Variants in CNTNAP5 observed in about 807,000 individuals in gnomAD.
CNTNAP5 encodes contactin-associated protein-like 5.
CNTNAP5 carries 72 observed loss-of-function variants against 150.2 expected under a neutral mutation model. The observed-to-expected ratio is 0.48, with a 90% CI of 0.40 to 0.58. The LOEUF is 0.58. Among genes scored for constraint, CNTNAP5 ranks in the 20% least tolerant of loss-of-function variants. The pLI, the probability that CNTNAP5 is intolerant of heterozygous loss-of-function variation, is 0.00. For missense variants in CNTNAP5, 1,636 were observed against 1,626.2 expected (o/e 1.01, Z -0.10); for synonymous variants, 672 against 619.8 (o/e 1.08, Z -1.25).
intron 1 of CNTNAP5, among the ~76,000 whole-genome samples, chr2:124,082,607 G>C (rs764368396): frequency 6.6e-6 from 1 of 152,164 alleles, no homozygotes; most frequent in African/African-American, 2.4e-5. Flanking sequence ...AAACAAGACT[G>C]TGAAAATTGT....
At position 124,732,193 on chromosome 2, in the gene CNTNAP5, G is replaced by A. The variant is rs72847325; in HGVS notation, c.2078-15036G>A. On this transcript the variant is annotated intron_variant, in intron 13 of 23. Coordinates refer to ENST00000682447, the MANE Select transcript of CNTNAP5 (RefSeq NM_001367498.1). ...GTGAGCTCAAGATAAAATGTTGATAGAGACTAGATAATTTTGAAGAGAAAA... is the reference window on the plus strand; with the variant it reads ...GTGAGCTCAAGATAAAATGTTGATAAAGACTAGATAATTTTGAAGAGAAAA... Among the ~76,000 whole-genome samples, 1,250 of 152,132 alleles carry A rather than the reference G, an allele frequency of 8.2e-3. 18 individuals carry two copies. The highest frequency in any genetic ancestry group is 0.013 in the Non-Finnish European group (858 of 68,000).
At chr2:124,577,545 G>T (rs1478645941) in intron 11 of CNTNAP5, among the ~76,000 whole-genome samples, 1 of 152,124 alleles carries the variant, frequency 6.6e-6, no homozygotes, top group Admixed American at 6.5e-5. Flanking sequence ...AAATATTGTG[G>T]GTGACACTTG....
At chr2:124,319,207 G>A (rs1689041654) in intron 3 of CNTNAP5, among the ~76,000 whole-genome samples, 2 of 152,152 alleles carry the variant, frequency 1.3e-5, no homozygotes, top group Admixed American at 1.3e-4. Context: ...TCTGTAAGTG[G>A]CTTTTCCTAT....
chr2:124,602,408 G>A (rs1317816422), intron 11 of CNTNAP5, among the ~76,000 whole-genome samples: 1 of 150,124 alleles, frequency 6.7e-6, no homozygotes, highest in East Asian at 1.9e-4. Flanking sequence ...CCTTCATTCA[G>A]GCTCAACAGT....
At chr2:124,789,735 T>C (rs981668557) in intron 17 of CNTNAP5, among the ~76,000 whole-genome samples, 167 bp from the exon 18 acceptor site, 4 of 152,184 alleles carry the variant, frequency 2.6e-5, no homozygotes, top group African/African-American at 9.7e-5. Context: ...ATGCATTTAT[T>C]TGAGGCTCTT....
At chr2:124,838,488 G>A (rs1257499059) in intron 19 of CNTNAP5, among the ~76,000 whole-genome samples, 1 of 152,142 alleles carries the variant, frequency 6.6e-6, no homozygotes, top group African/African-American at 2.4e-5. Context: ...TCTTATGAAA[G>A]AACATAGTTT....
At chr2:124,876,023 A>C (rs1677853279) in intron 21 of CNTNAP5, among the ~76,000 whole-genome samples, 1 of 151,982 alleles carries the variant, frequency 6.6e-6, no homozygotes, top group Admixed American at 6.6e-5. Context: ...TCTGTTTCTC[A>C]CTCCACATTT....
chr2:124,172,288 A>G (rs1684952224), intron 1 of CNTNAP5, among the ~76,000 whole-genome samples: 1 of 152,020 alleles, frequency 6.6e-6, no homozygotes, highest in South Asian at 2.1e-4. Context: ...GTCTGATTAT[A>G]AAAGTGAGAC....
chr2:124,419,974 T>TCTC (rs1692054089), intron 4 of CNTNAP5, among the ~76,000 whole-genome samples: 1 of 10,162 alleles, frequency 9.8e-5, no homozygotes, highest in African/African-American at 3.0e-4. Context: ...CTCTCTCTCT[T>TCTC]TCTTTCTTTC....
intron 1 of CNTNAP5, among the ~76,000 whole-genome samples, chr2:124,049,898 C>T (rs1208824867): frequency 6.6e-6 from 1 of 152,108 alleles, no homozygotes; most frequent in Non-Finnish European, 1.5e-5. Context: ...AAACTTCTTA[C>T]TGTAATCTCA....
chr2:124,688,625 T>C (rs1027987375), intron 13 of CNTNAP5, among the ~76,000 whole-genome samples: 9 of 152,098 alleles, frequency 5.9e-5, no homozygotes, highest in African/African-American at 2.2e-4. Flanking sequence ...GGAAATACTA[T>C]GAGGCTGAGT....
Position 124,616,595 on chromosome 2 carries a change from A to G in CNTNAP5, c.1876+6675A>G, listed in dbSNP as rs553453154. On this transcript the variant is annotated intron_variant, in intron 12 of 23. Transcript: ENST00000682447. Reference sequence around the variant, plus strand: ...AGTAGCATTTTAATTTTCTTCAAGAACTTTTCCTTTGCATTCACAACTTGG... The same window carrying G: ...AGTAGCATTTTAATTTTCTTCAAGAGCTTTTCCTTTGCATTCACAACTTGG... 8.5e-5 allele frequency among the ~76,000 whole-genome samples: 13 copies of G among 152,282 alleles called. No homozygotes were observed. In the South Asian group the frequency reaches 2.5e-3, roughly 29 times the overall value.
At chr2:124,220,986 GA>G (rs1452933936) in intron 1 of CNTNAP5, among the ~76,000 whole-genome samples, 1 of 152,082 alleles carries the variant, frequency 6.6e-6, no homozygotes, top group Non-Finnish European at 1.5e-5. Flanking sequence ...ACCTTCTCAA[GA>G]CAAGCATCTT....
chr2:124,359,957 A>T, intron 3 of CNTNAP5, among the ~76,000 whole-genome samples: 1 of 91,966 alleles, frequency 1.1e-5, no homozygotes, highest in African/African-American at 4.3e-5. Context: ...TTTGTAGGTC[A>T]CTCAGGACTT....
chr2:124,122,689 A>C (rs2104717896), intron 1 of CNTNAP5, among the ~76,000 whole-genome samples: 1 of 152,100 alleles, frequency 6.6e-6, no homozygotes, highest in Non-Finnish European at 1.5e-5. Flanking sequence ...CAGATCCCTT[A>C]GATCTTTGAG....
intron 3 of CNTNAP5, among the ~76,000 whole-genome samples, chr2:124,290,368 TC>T (rs1287883153): frequency 1.3e-5 from 2 of 152,174 alleles, no homozygotes; most frequent in Non-Finnish European, 2.9e-5. Flanking sequence ...TGAAATCAAT[TC>T]ATCCACATCT....
intron 12 of CNTNAP5, among the ~76,000 whole-genome samples, chr2:124,644,726 T>C (rs1005859629): frequency 2.0e-5 from 3 of 152,138 alleles, no homozygotes; most frequent in Admixed American, 6.5e-5. Flanking sequence ...ACTTCCTTGT[T>C]TCAGTCTTTA....
intron 1 of CNTNAP5, among the ~76,000 whole-genome samples, chr2:124,215,733 AGAAG>A (rs2104731941): frequency 6.7e-6 from 1 of 148,868 alleles, no homozygotes; most frequent in Non-Finnish European, 1.5e-5. Flanking sequence ...AAAAAAAAAA[AGAAG>A]AGAAATTCAA....
At chr2:124,383,137 T>C (rs1325053541) in intron 3 of CNTNAP5, among the ~76,000 whole-genome samples, 2 of 152,176 alleles carry the variant, frequency 1.3e-5, no homozygotes, top group Non-Finnish European at 2.9e-5. Context: ...CATTTCCACA[T>C]CACCTTTCTT....
Sources: allele counts gnomAD v4.1 joint callset (sites outside exome capture counted in the v4.1 genomes callset), GRCh38; gene constraint gnomAD v4.1.1; transcripts MANE v1.5; gene names NCBI Gene and HGNC (gene_info 2026-07-23, HGNC 2026-07-21).